Variants in SHPRH observed in about 807,000 individuals in gnomAD.
The protein encoded by SHPRH is SNF2 histone linker PHD RING helicase.
Under a neutral mutation model 202.5 loss-of-function variants are expected in SHPRH, and 106 were observed. The ratio of observed to expected loss-of-function variants is 0.52; its 90% CI spans 0.45 to 0.62. SHPRH has a LOEUF of 0.62. SHPRH is among the 20% of genes least tolerant of loss of function. The pLI, the probability that SHPRH is intolerant of heterozygous loss-of-function variation, is 0.00. For missense variants in SHPRH, 1,710 were observed against 2,020.0 expected, an observed-to-expected ratio of 0.85 and a Z score of 2.94; for synonymous variants, 729 against 686.0, an observed-to-expected ratio of 1.06 and a Z score of -0.98.
chr6:145,874,947 T>G (rs1382425742), intron 2 of SHPRH, among the ~76,000 whole-genome samples: 2 of 152,224 alleles, frequency 1.3e-5, no homozygotes, highest in African/African-American at 4.8e-5. Context: ...TTTTTTCTTT[T>G]GGTACATGGT....
chr6:145,921,453 A>AATGTGAGT, intron 20 of SHPRH, 61 bp from the exon 21 acceptor site: 1 of 1,468,722 alleles, frequency 6.8e-7, no homozygotes, highest in Non-Finnish European at 9.5e-7. Flanking sequence ...AGCAACCTTC[A>AATGTGAGT]ATGTGAGTTC....
At chr6:145,930,771 A>AT (rs1466985181) in intron 14 of SHPRH, among the ~76,000 whole-genome samples, 5 of 152,166 alleles carry the variant, frequency 3.3e-5, no homozygotes, top group African/African-American at 1.2e-4. Context: ...GCCCTCACTT[A>AT]TTTTTTACTT....
At position 145,950,270 on chromosome 6, in the gene SHPRH, C is replaced by G. The variant is rs1195515769; in HGVS notation, c.976G>C (p.Ala326Pro). 2.5e-6 allele frequency: 4 copies of G among 1,612,522 alleles called. No individual in the cohort carries two copies. The East Asian group carries it at 8.9e-5, about 36-fold the overall frequency. ...TTAAACATCTTATTCTTACCAGTAG[C>G]AGGACTGCTTCTGAAACACTCTTGT... ...LQQECFRSSPATESALHFLWR... is the reference protein window; with the variant it reads ...LQQECFRSSPPTESALHFLWR... Residue 326 changes from alanine to proline, a missense_variant, in exon 4 of 30, where the codon GCT becomes CCT. This residue lies in a region of SHPRH where 459 missense variants were observed against 426.5 expected (regional missense o/e 1.08). Transcript: ENST00000275233.
chr6:145,923,535 G>C, intron 18 of SHPRH, 108 bp downstream of exon 18: 2 of 1,362,220 alleles, frequency 1.5e-6, no homozygotes, highest in Admixed American at 2.3e-5. Flanking sequence ...ATAGGTTTAT[G>C]AATGGAGAAA....
chr6:145,894,759 T>C (rs899555289), intron 26 of SHPRH, 126 bp downstream of exon 26: 1 of 708,454 alleles, frequency 1.4e-6, no homozygotes, highest in African/African-American at 1.8e-5. Context: ...CTAAAAATAA[T>C]TCTATCTTAT....
At chr6:145,904,356 GA>G (rs1407880519) in intron 25 of SHPRH, 1 of 151,798 alleles carries the variant, frequency 6.6e-6, no homozygotes, top group Non-Finnish European at 1.5e-5. Flanking sequence ...GTAATATAAA[GA>G]AAAAAACTAG....
At chr6:145,961,345 A>C (rs1273194896) in intron 1 of SHPRH, among the ~76,000 whole-genome samples, 1 of 152,162 alleles carries the variant, frequency 6.6e-6, no homozygotes, top group African/African-American at 2.4e-5. Context: ...ATCCCTAAAA[A>C]ATTCCAGGGT....
Position 145,959,703 on chromosome 6 carries a change from C to T in SHPRH, c.-33+4028G>A, listed in dbSNP as rs906943907. 3.4e-4 allele frequency among the ~76,000 whole-genome samples: 52 copies of T among 152,348 alleles called. 1 individual carries two copies. Among genetic ancestry groups the T allele is most frequent in the East Asian group, 1.9e-4 (1 of 5,180 alleles). On this transcript the variant is annotated intron_variant, in intron 1 of 29. Coordinates refer to ENST00000275233, the MANE Select transcript of SHPRH (RefSeq NM_001042683.3). ...CTGGACAGCACAAATATAGAGCATT[C>T]ACATAATTGCAAAAAGTCTATGTAT... is the stretch of plus-strand genomic sequence containing the variant.
In SHPRH at chr6:145,892,714, T is replaced by C. The variant is rs1781672139; in HGVS notation, c.4874+501A>G. On this transcript the variant is annotated intron_variant, in intron 28 of 29. Transcript: ENST00000275233. ...TCATTATTAGGTTTGCTTTGGGCCT[T>C]AAACTGAATCTAATGATCTCTTGGA... Among the ~76,000 whole-genome samples, 4 of 152,116 alleles carry C rather than the reference T, an allele frequency of 2.6e-5. No homozygotes were observed. The South Asian group carries it at 8.3e-4, about 31-fold the overall frequency.
chr6:145,892,054 A>C (rs1430310023), intron 28 of SHPRH, among the ~76,000 whole-genome samples: 1 of 152,150 alleles, frequency 6.6e-6, no homozygotes, highest in African/African-American at 2.4e-5. Context: ...CCTGTTTTCA[A>C]GTAAGCCCTT....
At chr6:145,913,982 AATGT>A (rs768300021) in intron 23 of SHPRH, among the ~76,000 whole-genome samples, 2 of 152,188 alleles carry the variant, frequency 1.3e-5, no homozygotes, top group South Asian at 2.1e-4. Context: ...GTAAATCAAT[AATGT>A]ATGTATATAT....
intron 2 of SHPRH, among the ~76,000 whole-genome samples, chr6:145,879,252 T>A (rs1335727492): frequency 6.6e-6 from 1 of 152,150 alleles, no homozygotes; most frequent in Non-Finnish European, 1.5e-5. Context: ...GTCATTAAAT[T>A]CTTTGATACA....
At chr6:145,864,476 C>T (rs1177657458) in exon 3 of SHPRH, 2 of 271,732 alleles carry the variant, frequency 7.4e-6, no homozygotes, top group Non-Finnish European at 1.6e-5. Context: ...AAAATAACGC[C>T]TGTTCCTCAA....
intron 1 of SHPRH, among the ~76,000 whole-genome samples, chr6:145,956,263 G>C (rs193130089): frequency 8.5e-5 from 13 of 152,192 alleles, no homozygotes; most frequent in Admixed American, 3.9e-4. Context: ...AAAAAATCAT[G>C]CATGAAAATT....
At chr6:145,871,452 A>G (rs1780051948) in intron 2 of SHPRH, 1 of 152,168 alleles carries the variant, frequency 6.6e-6, no homozygotes, top group Non-Finnish European at 1.5e-5. Context: ...CACAATTGCT[A>G]CAAAAAGAAC....
At chr6:145,917,298 T>A (rs950924735) in intron 23 of SHPRH, 1 of 152,190 alleles carries the variant, frequency 6.6e-6, no homozygotes, top group Admixed American at 6.6e-5. Flanking sequence ...CATTCTCATT[T>A]TACTGATGAT....
chr6:145,915,738 A>G (rs749314068), intron 23 of SHPRH, among the ~76,000 whole-genome samples: 2 of 151,690 alleles, frequency 1.3e-5, no homozygotes, highest in African/African-American at 2.4e-5. Context: ...TTATCTCTCA[A>G]CTTTTTTTAT....
intron 8 of SHPRH, 71 bp downstream of exon 8, chr6:145,945,310 G>A (rs753597561): frequency 3.9e-5 from 56 of 1,443,674 alleles, no homozygotes; most frequent in Non-Finnish European, 5.0e-5. Flanking sequence ...TTCAAGGTGG[G>A]ATCTGTCAAT....
At chr6:145,949,919 T>C (rs1307702553) in intron 4 of SHPRH, among the ~76,000 whole-genome samples, 1 of 152,106 alleles carries the variant, frequency 6.6e-6, no homozygotes, top group Non-Finnish European at 1.5e-5. Flanking sequence ...TGTGAGTTTC[T>C]TGCAGATGGT....
Sources: gnomAD v4.1 joint callset for allele counts (sites outside exome capture counted in the v4.1 genomes callset) on GRCh38, gnomAD v4.1.1 for gene constraint, gnomAD v4.1.1 regional missense constraint, MANE v1.5 for transcripts, NCBI Gene and HGNC (gene_info 2026-07-23, HGNC 2026-07-21) for gene names.